Variants in PTPRM observed in about 807,000 individuals in gnomAD.
PTPRM encodes protein tyrosine phosphatase receptor type M.
Under a neutral mutation model 186.7 loss-of-function variants are expected in PTPRM, and 47 were observed. The ratio of observed to expected loss-of-function variants is 0.25; its 90% CI spans 0.20 to 0.32. The LOEUF (loss-of-function observed/expected upper bound fraction) is 0.32, where lower values mean the gene tolerates loss of function less well. PTPRM is among the 10% of genes least tolerant of loss of function. PTPRM has a pLI of 1.00. For synonymous variants in PTPRM, 668 were observed against 674.9 expected (o/e 0.99, Z 0.16); for missense variants, 1,494 against 1,865.0 (o/e 0.80, Z 3.66).
intron 14 of PTPRM, among the ~76,000 whole-genome samples, chr18:8,176,495 T>C (rs553617059): frequency 2.0e-5 from 3 of 152,320 alleles, no homozygotes; most frequent in African/African-American, 7.2e-5. Flanking sequence ...AAAAAATATA[T>C]GTATACATAT....
chr18:7,984,594 T>C lies in PTPRM; in HGVS notation c.1132+29180T>C, dbSNP rs377688357. ...CCCCATATATATATATATATATATA[T>C]ATATATATACACACACACACACACA... On this transcript the variant is annotated intron_variant, in intron 7 of 32. Transcript: ENST00000580170. 5.0e-3 allele frequency among the ~76,000 whole-genome samples: 597 copies of C among 120,136 alleles called. 6 individuals are homozygous for C. The highest frequency in any genetic ancestry group is 0.018 in the African/African-American group (553 of 29,930). 78.8% of individuals were successfully genotyped at this position (120,136 alleles called of 152,430 possible).
chr18:7,690,292 T>A (rs1019478384), intron 1 of PTPRM, among the ~76,000 whole-genome samples: 6 of 152,196 alleles, frequency 3.9e-5, no homozygotes, highest in African/African-American at 1.4e-4. Context: ...AGGTAATTTG[T>A]TAGTTGCTTG....
At chr18:7,702,520 C>T (rs1026964971) in intron 1 of PTPRM, among the ~76,000 whole-genome samples, 1 of 152,140 alleles carries the variant, frequency 6.6e-6, no homozygotes, top group Admixed American at 6.6e-5. Flanking sequence ...ATCCTTCACC[C>T]ACTTTTTGAT....
intron 9 of PTPRM, among the ~76,000 whole-genome samples, chr18:8,082,759 T>G (rs1600460781): frequency 6.6e-6 from 1 of 151,920 alleles, no homozygotes; most frequent in Non-Finnish European, 1.5e-5. Context: ...TCAATGTTCA[T>G]CACCCCCAGT....
chr18:7,758,878 G>A (rs566248468), intron 1 of PTPRM, among the ~76,000 whole-genome samples: 3 of 152,194 alleles, frequency 2.0e-5, no homozygotes, highest in South Asian at 2.1e-4. Flanking sequence ...TGATGTACAC[G>A]CCCTCATTTC....
chr18:7,848,906 C>T (rs992621442), intron 2 of PTPRM, among the ~76,000 whole-genome samples: 5 of 152,054 alleles, frequency 3.3e-5, no homozygotes, highest in Non-Finnish European at 7.4e-5. Flanking sequence ...TAAAGTTGGA[C>T]ATTAACTTTG....
intron 14 of PTPRM, among the ~76,000 whole-genome samples, chr18:8,156,372 C>T (rs750376310): frequency 2.6e-5 from 4 of 152,134 alleles, no homozygotes. Context: ...CCTGATTTTA[C>T]ACCACAACTC....
chr18:8,146,061 T>C (rs1324366088), intron 14 of PTPRM, among the ~76,000 whole-genome samples: 1 of 149,000 alleles, frequency 6.7e-6, no homozygotes, highest in Admixed American at 6.7e-5. Flanking sequence ...AGTTGTTTGC[T>C]CTTTTTGCCC....
intron 5 of PTPRM, among the ~76,000 whole-genome samples, chr18:7,948,130 T>TACACACAC (rs57918724): frequency 0.011 from 1,523 of 137,882 alleles, 20 homozygotes; most frequent in Non-Finnish European, 0.015. Context: ...GATTATAAAA[T>TACACACAC]ACACACACAC....
chr18:8,358,280 T>TACACTTGGACATGCAC (rs1369840792), intron 23 of PTPRM, among the ~76,000 whole-genome samples: 1 of 134,640 alleles, frequency 7.4e-6, no homozygotes, highest in South Asian at 2.8e-4. Flanking sequence ...CACACATGCA[T>TACACTTGGACATGCAC]ACACTTGGAC....
intron 14 of PTPRM, among the ~76,000 whole-genome samples, chr18:8,204,771 C>CA (rs113768465): frequency 0.015 from 2,222 of 145,046 alleles, 55 homozygotes; most frequent in African/African-American, 0.051. Flanking sequence ...AAAACAAAAA[C>CA]AAAAAAAAAA....
At position 8,196,647 on chromosome 18, in the gene PTPRM, A is replaced by G. The variant is rs192753501; in HGVS notation, c.2301-47411A>G. Among the ~76,000 whole-genome samples the G allele has an allele frequency of 1.7e-4, 26 of 152,364 alleles. 1 individual carries two copies. In the East Asian group the frequency reaches 2.1e-3, roughly 12 times the overall value. ...TTCAACACGAAGTCAGTTAAGGAAG[A>G]CCATTAGATTATGTCAAAAAGCAGT... On this transcript the variant is annotated intron_variant, in intron 14 of 32. Coordinates refer to ENST00000580170, the MANE Select transcript of PTPRM (RefSeq NM_001105244.2).
At chr18:8,041,804 T>G (rs1333077474) in intron 7 of PTPRM, among the ~76,000 whole-genome samples, 2 of 152,260 alleles carry the variant, frequency 1.3e-5, no homozygotes, top group African/African-American at 4.8e-5. Context: ...CTCTTTTATC[T>G]TTCATTTATC....
chr18:7,614,670 G>A (rs932245292), intron 1 of PTPRM, among the ~76,000 whole-genome samples: 1 of 152,178 alleles, frequency 6.6e-6, no homozygotes, highest in Non-Finnish European at 1.5e-5. Flanking sequence ...CCTGTCTAAT[G>A]TGAAATAGTG....
chr18:8,313,994 T>A (rs550466404), intron 20 of PTPRM, among the ~76,000 whole-genome samples: 1 of 151,980 alleles, frequency 6.6e-6, no homozygotes, highest in African/African-American at 2.4e-5. Flanking sequence ...CTGAAAAAAA[T>A]TAAGGTAACA....
intron 14 of PTPRM, among the ~76,000 whole-genome samples, chr18:8,145,590 G>C (rs564013079): frequency 1.3e-5 from 2 of 152,250 alleles, no homozygotes; most frequent in East Asian, 3.9e-4. Context: ...TTCTGTTCTT[G>C]TGATAGTTTG....
At chr18:8,126,342 AAT>A (rs1320795818) in intron 13 of PTPRM, among the ~76,000 whole-genome samples, 1 of 151,750 alleles carries the variant, frequency 6.6e-6, no homozygotes, top group Non-Finnish European at 1.5e-5. Context: ...AAGATTACAA[AAT>A]ATCTCTTTTT....
At chr18:7,581,360 AG>A (rs1219811580) in intron 1 of PTPRM, among the ~76,000 whole-genome samples, 1 of 152,204 alleles carries the variant, frequency 6.6e-6, no homozygotes, top group Non-Finnish European at 1.5e-5. Context: ...TTGGGCTCCA[AG>A]AAAAAAATAA....
At chr18:8,223,404 T>C (rs2094177541) in intron 14 of PTPRM, among the ~76,000 whole-genome samples, 1 of 152,242 alleles carries the variant, frequency 6.6e-6, no homozygotes. Flanking sequence ...AAAAGGCTTT[T>C]CTATTTTCTG....
Sources: gnomAD v4.1 joint callset for allele counts (sites outside exome capture counted in the v4.1 genomes callset) on GRCh38, gnomAD v4.1.1 for gene constraint, MANE v1.5 for transcripts, NCBI Gene and HGNC (gene_info 2026-07-23, HGNC 2026-07-21) for gene names.